The following TGFA variants were observed in gnomAD, a reference collection of about 807,000 sequenced individuals.
The protein encoded by TGFA is protransforming growth factor alpha.
A neutral mutation model predicts 21.7 loss-of-function variants in TGFA; 12 were observed. The observed-to-expected ratio is 0.55, with a 90% CI of 0.35 to 0.90. The LOEUF (loss-of-function observed/expected upper bound fraction) is 0.90, where lower values mean the gene tolerates loss of function less well. TGFA is among the 40% of genes least tolerant of loss of function. The pLI is 0.01. For synonymous variants in TGFA, 79 were observed against 88.1 expected, an observed-to-expected ratio of 0.90 and a Z score of 0.58; for missense variants, 178 against 210.8, an observed-to-expected ratio of 0.84 and a Z score of 0.96.
At chr2:70,509,744 C>T (rs1672035488) in intron 2 of TGFA, among the ~76,000 whole-genome samples, 1 of 152,130 alleles carries the variant, frequency 6.6e-6, no homozygotes. Context: ...TGAGTAATGC[C>T]CTCACCACAC....
rs11466221 is a variant in TGFA at position 70,514,916 on chromosome 2, T to C, written c.41-4A>G. The C allele has an allele frequency of 5.1e-4, 828 of 1,613,660 alleles. 7 individuals are homozygous for C. In the African/African-American group the frequency reaches 9.6e-3, roughly 19 times the overall value. ...TGGCACGCAGCCAACACAATACCTGTTGGGTGGAGGAGAAGAGGGAAAAGG... is the reference window on the plus strand; with the variant it reads ...TGGCACGCAGCCAACACAATACCTGCTGGGTGGAGGAGAAGAGGGAAAAGG... On this transcript the variant is annotated splice_region_variant and splice_polypyrimidine_tract_variant and intron_variant, in intron 1 of 5. Transcript: ENST00000295400.
intron 2 of TGFA, among the ~76,000 whole-genome samples, chr2:70,484,836 C>G (rs1420645813): frequency 2.0e-5 from 3 of 152,178 alleles, no homozygotes; most frequent in Admixed American, 1.3e-4. Context: ...AGCCTTCCAA[C>G]AAAGTTGCTT....
At chr2:70,509,730 C>T (rs782798130) in intron 2 of TGFA, among the ~76,000 whole-genome samples, 11 of 152,266 alleles carry the variant, frequency 7.2e-5, no homozygotes, top group East Asian at 1.9e-4. Flanking sequence ...GGTTCCCGGG[C>T]GCCTGAGTAA....
chr2:70,449,669 G>T lies in TGFA; in HGVS notation c.*1190C>A. On this transcript the variant is annotated 3_prime_UTR_variant, in exon 6 of 6. Transcript: ENST00000295400. ...AAATTACTGGAATAGTTTTCCTAGT[G>T]CTCGAAAATAAATAGCAAAGTTAAA... 1 of 204,406 alleles carries T rather than the reference G, an allele frequency of 4.9e-6. No individual in the cohort carries two copies. The highest frequency in any genetic ancestry group is 5.5e-5 in the Admixed American group (1 of 18,198). 12.7% of individuals were successfully genotyped at this position (204,406 alleles called of 1,614,324 possible). A position where few individuals can be genotyped will look rare whatever the true frequency, so the allele number is the denominator to read the frequency against.
At chr2:70,453,104 C>T (rs1670109822) in intron 5 of TGFA, 114 bp downstream of exon 5, 6 of 959,228 alleles carry the variant, frequency 6.3e-6, no homozygotes, top group African/African-American at 4.9e-5. Flanking sequence ...GAAACAGTCT[C>T]TTCCTTTTCT....
intron 2 of TGFA, among the ~76,000 whole-genome samples, chr2:70,472,791 A>G (rs1045244830): frequency 6.6e-6 from 1 of 152,238 alleles, no homozygotes; most frequent in Non-Finnish European, 1.5e-5. Context: ...AGTTGTGAAC[A>G]CGTTTGCCCA....
chr2:70,486,824 A>G (rs1359296220), intron 2 of TGFA, among the ~76,000 whole-genome samples: 3 of 151,944 alleles, frequency 2.0e-5, no homozygotes, highest in Non-Finnish European at 4.4e-5. Flanking sequence ...GTGCAGTGGC[A>G]CGATCTCGGC....
chr2:70,467,855 A>T (rs1304274240), intron 2 of TGFA, among the ~76,000 whole-genome samples: 1 of 152,224 alleles, frequency 6.6e-6, no homozygotes, highest in South Asian at 2.1e-4. Context: ...CTAAAAATAC[A>T]ACAGAATCCT....
At chr2:70,510,888 C>T (rs1553500849) in intron 2 of TGFA, among the ~76,000 whole-genome samples, 1 of 152,118 alleles carries the variant, frequency 6.6e-6, no homozygotes, top group African/African-American at 2.4e-5. Flanking sequence ...TGCTTGTAAT[C>T]CCAGCACTTT....
chr2:70,498,643 C>T (rs1297620209), intron 2 of TGFA, among the ~76,000 whole-genome samples: 1 of 151,630 alleles, frequency 6.6e-6, no homozygotes, highest in Non-Finnish European at 1.5e-5. Flanking sequence ...TGGATGCTGC[C>T]CCTCCTCTCC....
intron 1 of TGFA, among the ~76,000 whole-genome samples, chr2:70,521,948 C>T (rs1186632749): frequency 6.6e-6 from 1 of 152,180 alleles, no homozygotes; most frequent in Admixed American, 6.5e-5. Context: ...GCTGATCTCT[C>T]AAGTCGGCAT....
chr2:70,537,042 A>C (rs1672992110), intron 1 of TGFA, among the ~76,000 whole-genome samples: 1 of 148,278 alleles, frequency 6.7e-6, no homozygotes, highest in Non-Finnish European at 1.5e-5. Flanking sequence ...CATCTATCCA[A>C]CAGCAAGCGC....
intron 2 of TGFA, among the ~76,000 whole-genome samples, chr2:70,477,376 C>A (rs1028473327): frequency 9.2e-5 from 14 of 152,188 alleles, no homozygotes; most frequent in African/African-American, 3.4e-4. Context: ...AAGAGTACAG[C>A]CTATTTGATC....
chr2:70,491,907 G>T (rs1253861323), intron 2 of TGFA, among the ~76,000 whole-genome samples: 1 of 152,158 alleles, frequency 6.6e-6, no homozygotes, highest in Non-Finnish European at 1.5e-5. Context: ...CTGCACAATG[G>T]CACATCTCCA....
Position 70,514,104 on chromosome 2 carries a change from T to C in TGFA, c.94+755A>G, listed in dbSNP as rs149493370. On this transcript the variant is annotated intron_variant, in intron 2 of 5. Coordinates refer to ENST00000295400, the MANE Select transcript of TGFA (RefSeq NM_003236.4). Reference sequence around the variant, plus strand: ...ACCGTAAATATCCAATGGGAAATGTTTCATTAAATCACCCATGTTCACTTT... The same window carrying C: ...ACCGTAAATATCCAATGGGAAATGTCTCATTAAATCACCCATGTTCACTTT... Among the ~76,000 whole-genome samples, 52 of 152,364 alleles carry C rather than the reference T, an allele frequency of 3.4e-4. 1 individual carries two copies. Among genetic ancestry groups the C allele is most frequent in the African/African-American group, 1.1e-3 (46 of 41,580 alleles).
At chr2:70,475,961 T>C (rs1431849014) in intron 2 of TGFA, among the ~76,000 whole-genome samples, 3 of 151,412 alleles carry the variant, frequency 2.0e-5, no homozygotes, top group African/African-American at 7.3e-5. Context: ...AGACAGGAAA[T>C]ATACTGGACG....
intron 1 of TGFA, among the ~76,000 whole-genome samples, chr2:70,551,895 G>A (rs1249655960): frequency 6.6e-6 from 1 of 152,180 alleles, no homozygotes; most frequent in Admixed American, 6.5e-5. Context: ...TTGTGGGCGA[G>A]AATTCTGGGA....
rs1250010604 is a variant in TGFA, at chr2:70,447,483, T to C, written c.*3376A>G. ...AAATTAACTTACCACACAAAATAAATTAAAACATTAAATATTAACCTTTTC... is the reference window on the plus strand; with the variant it reads ...AAATTAACTTACCACACAAAATAAACTAAAACATTAAATATTAACCTTTTC... On this transcript the variant is annotated 3_prime_UTR_variant, in exon 6 of 6. Transcript: ENST00000295400. The C allele has an allele frequency of 6.6e-6, 1 of 152,554 alleles. No homozygotes were observed. Among genetic ancestry groups the C allele is most frequent in the Admixed American group, 6.6e-5 (1 of 15,258 alleles). 9.5% of individuals were successfully genotyped at this position (152,554 alleles called of 1,614,324 possible). A position where few individuals can be genotyped will look rare whatever the true frequency, so the allele number is the denominator to read the frequency against.
intron 1 of TGFA, among the ~76,000 whole-genome samples, chr2:70,519,981 C>T (rs1214813645): frequency 6.6e-6 from 1 of 152,206 alleles, no homozygotes; most frequent in Non-Finnish European, 1.5e-5. Flanking sequence ...CTTGCTAAGG[C>T]TTGGTGTGCT....
Sources: allele counts gnomAD v4.1 joint callset (sites outside exome capture counted in the v4.1 genomes callset), GRCh38; gene constraint gnomAD v4.1.1; transcripts MANE v1.5; gene names NCBI Gene and HGNC (gene_info 2026-07-23, HGNC 2026-07-21).